Variants in EPB41L5 observed in about 807,000 individuals in gnomAD.
EPB41L5 encodes the protein band 4.1-like protein 5.
A neutral mutation model predicts 106.6 loss-of-function variants in EPB41L5; 55 were observed. The observed-to-expected ratio is 0.52, with a 90% CI of 0.42 to 0.65. The LOEUF is 0.65. Among genes scored for constraint, EPB41L5 ranks in the 30% least tolerant of loss-of-function variants. EPB41L5 has a pLI of 0.00. For missense variants in EPB41L5, 871 were observed against 882.1 expected (o/e 0.99, Z 0.16); for synonymous variants, 297 against 306.7 (o/e 0.97, Z 0.33).
chr2:120,064,629 A>G (rs2105293092), intron 3 of EPB41L5, among the ~76,000 whole-genome samples: 1 of 152,354 alleles, frequency 6.6e-6, no homozygotes, highest in South Asian at 2.1e-4. Context: ...GTGGCTTTCT[A>G]CATCCTTTGA....
chr2:120,127,719 C>A lies in EPB41L5; in HGVS notation c.1369C>A (p.Pro457Thr). ...IPLNIDLLNS[P>T]DLLEATIGDV... The stretch of plus-strand genomic sequence containing the variant: ...TCTGAATATTGATTTGCTGAATAGC[C>A]CAGACTTATTGGAAGCAACGATTGG... The change falls in exon 17 of 25, where the codon CCA becomes ACA. Residue 457 changes from proline to threonine, a missense_variant. Physicochemically the swap from Pro to Thr is conservative, Grantham distance 38 (BLOSUM62 -1). Transcript: ENST00000263713. 6.2e-7 allele frequency: 1 copy of A among 1,612,690 alleles called. No homozygotes were observed. The highest frequency in any genetic ancestry group is 8.5e-7 in the Non-Finnish European group (1 of 1,179,164).
intron 2 of EPB41L5, among the ~76,000 whole-genome samples, chr2:120,040,634 A>G (rs182660306): frequency 1.3e-5 from 2 of 152,360 alleles, no homozygotes; most frequent in South Asian, 2.1e-4. Flanking sequence ...CATGTAAGGC[A>G]TGTACATTTT....
chr2:120,120,293 G>C (rs1486424724), intron 16 of EPB41L5, among the ~76,000 whole-genome samples: 1 of 151,930 alleles, frequency 6.6e-6, no homozygotes, highest in African/African-American at 2.4e-5. Flanking sequence ...CTAGCCAGGC[G>C]TAGTGGCACG....
At chr2:120,016,029 T>C (rs189766139) in intron 1 of EPB41L5, among the ~76,000 whole-genome samples, 4 of 152,352 alleles carry the variant, frequency 2.6e-5, no homozygotes, top group Admixed American at 2.0e-4. Context: ...AAATCAGTTA[T>C]GCTCCGAAAA....
At chr2:120,015,702 G>A (rs1242285535) in intron 1 of EPB41L5, among the ~76,000 whole-genome samples, 1 of 152,020 alleles carries the variant, frequency 6.6e-6, no homozygotes, top group Non-Finnish European at 1.5e-5. Context: ...ACTTTGGGAG[G>A]CTGAGGTGGG....
In EPB41L5 at chr2:120,134,090, G is replaced by A. The variant is rs890399387; in HGVS notation, c.1599+2375G>A. Among the ~76,000 whole-genome samples, 3 of 152,016 alleles carry A rather than the reference G, an allele frequency of 2.0e-5. No homozygotes were observed. In the South Asian group the frequency reaches 6.2e-4, roughly 31 times the overall value. The stretch of plus-strand genomic sequence containing the variant: ...TGACAAAAGAATCCTTGGGTCAGTG[G>A]TTTCCAGGCAGTACTTGTCATAGGC... On this transcript the variant is annotated intron_variant, in intron 18 of 24. Coordinates refer to ENST00000263713, the MANE Select transcript of EPB41L5 (RefSeq NM_020909.4).
intron 3 of EPB41L5, among the ~76,000 whole-genome samples, chr2:120,049,206 C>T (rs1680043496): frequency 6.6e-6 from 1 of 152,114 alleles, no homozygotes; most frequent in African/African-American, 2.4e-5. Flanking sequence ...AGGTCAATTC[C>T]TGGATATCCT....
At chr2:120,122,566 T>A (rs1269958517) in intron 16 of EPB41L5, among the ~76,000 whole-genome samples, 1 of 152,216 alleles carries the variant, frequency 6.6e-6, no homozygotes, top group African/African-American at 2.4e-5. Context: ...CCATGCTGTT[T>A]TGGTTACTGT....
chr2:120,028,363 G>A (rs1208300864), intron 2 of EPB41L5, among the ~76,000 whole-genome samples: 1 of 151,760 alleles, frequency 6.6e-6, no homozygotes, highest in South Asian at 2.1e-4. Flanking sequence ...TGGGTACCCC[G>A]TTTCAAAAGA....
intron 10 of EPB41L5, among the ~76,000 whole-genome samples, chr2:120,086,411 C>T (rs1298988074): frequency 6.6e-6 from 1 of 151,992 alleles, no homozygotes; most frequent in African/African-American, 2.4e-5. Context: ...GGAAAGCGGG[C>T]CATAAAGCGA....
chr2:120,016,155 C>T (rs944742947), intron 1 of EPB41L5, among the ~76,000 whole-genome samples: 2 of 152,050 alleles, frequency 1.3e-5, no homozygotes, highest in South Asian at 2.1e-4. Context: ...ATTGGTCCGG[C>T]GAGGTGGCTT....
At chr2:120,056,650 A>G (rs1282086551) in intron 3 of EPB41L5, among the ~76,000 whole-genome samples, 1 of 142,614 alleles carries the variant, frequency 7.0e-6, no homozygotes, top group African/African-American at 2.6e-5. Context: ...CATAAAGGAT[A>G]TTAGTCTGTA....
intron 16 of EPB41L5, among the ~76,000 whole-genome samples, chr2:120,120,317 G>A (rs1003576362): frequency 1.3e-5 from 2 of 151,472 alleles, no homozygotes. Context: ...CTGTAGTCCC[G>A]GCTACATGGG....
intron 1 of EPB41L5, among the ~76,000 whole-genome samples, chr2:120,015,941 A>G (rs1677490829): frequency 6.6e-6 from 1 of 151,882 alleles, no homozygotes; most frequent in African/African-American, 2.4e-5. Flanking sequence ...AAAATAAAAC[A>G]ACTGTATTGT....
chr2:120,102,130 C>T (rs1043355861), intron 16 of EPB41L5, among the ~76,000 whole-genome samples: 1 of 152,078 alleles, frequency 6.6e-6, no homozygotes, highest in African/African-American at 2.4e-5. Context: ...AGTGTCTTTG[C>T]CTATTATGTT....
chr2:120,116,726 C>T (rs1684962907), intron 16 of EPB41L5, among the ~76,000 whole-genome samples: 1 of 151,840 alleles, frequency 6.6e-6, no homozygotes, highest in Non-Finnish European at 1.5e-5. Context: ...ATACAGTCTC[C>T]TCTGTTGCTC....
In EPB41L5 at chr2:120,151,828, G is replaced by C. The variant is rs527397410; in HGVS notation, c.1793+5539G>C. 4.7e-5 allele frequency among the ~76,000 whole-genome samples: 7 copies of C among 148,994 alleles called. No individual in the cohort carries two copies. In the East Asian group the frequency reaches 1.4e-3, roughly 30 times the overall value. On this transcript the variant is annotated intron_variant, in intron 20 of 24. Coordinates refer to ENST00000263713, the MANE Select transcript of EPB41L5 (RefSeq NM_020909.4). Reference sequence around the variant, plus strand: ...GATGGGGTTTTACCATGTTGGCCAGGCTAATCTTGAACTCCTGATCTCAGG... The same window carrying C: ...GATGGGGTTTTACCATGTTGGCCAGCCTAATCTTGAACTCCTGATCTCAGG...
intron 3 of EPB41L5, among the ~76,000 whole-genome samples, chr2:120,058,782 A>T (rs1574556709): frequency 1.3e-5 from 2 of 152,332 alleles, no homozygotes; most frequent in East Asian, 1.9e-4. Context: ...ACATATTTTT[A>T]AAAATAGCGT....
chr2:120,121,814 A>G (rs937562239), intron 16 of EPB41L5, among the ~76,000 whole-genome samples: 5 of 152,166 alleles, frequency 3.3e-5, no homozygotes, highest in African/African-American at 7.2e-5. Context: ...AAGCATTCCT[A>G]TTTCTCCACA....
Sources: allele counts gnomAD v4.1 joint callset (sites outside exome capture counted in the v4.1 genomes callset), GRCh38; gene constraint gnomAD v4.1.1; transcripts MANE v1.5; gene names NCBI Gene and HGNC (gene_info 2026-07-23, HGNC 2026-07-21).